The following CAPSL variants were observed in gnomAD, a reference collection of about 807,000 sequenced individuals.
CAPSL encodes the protein calcyphosine like, also known as calcyphosin-like protein.
Under a neutral mutation model 21.3 loss-of-function variants are expected in CAPSL, and 17 were observed. That is an observed-to-expected ratio of 0.80 (90% CI 0.55 to 1.20). CAPSL has a LOEUF of 1.20. Among genes scored for constraint, CAPSL ranks in the 50% most tolerant of loss-of-function variants. CAPSL has a pLI of 0.00. For synonymous variants in CAPSL, 102 were observed against 89.3 expected (o/e 1.14, Z -0.80); for missense variants, 289 against 259.3 (o/e 1.11, Z -0.79).
intron 1 of CAPSL, among the ~76,000 whole-genome samples, chr5:35,932,020 C>G (rs984066487): frequency 7.2e-5 from 11 of 152,150 alleles, no homozygotes; most frequent in African/African-American, 2.7e-4. Flanking sequence ...ATCTTGCAGT[C>G]CCTTAGAATG....
rs564120024 is a variant in CAPSL at position 35,932,035 on chromosome 5, C to T, written c.-1+6506G>A. ...ATCTTGCAGTCCCTTAGAATGAATGCTTCTTTTGGAGTCATTTGTCTATTT... is the reference window on the plus strand; with the variant it reads ...ATCTTGCAGTCCCTTAGAATGAATGTTTCTTTTGGAGTCATTTGTCTATTT... On this transcript the variant is annotated intron_variant, in intron 1 of 4. Transcript: ENST00000651391. 1.7e-4 allele frequency among the ~76,000 whole-genome samples: 26 copies of T among 152,280 alleles called. No homozygotes were observed. The South Asian group carries it at 5.2e-3, about 30-fold the overall frequency.
chr5:35,910,196 G>A (rs754395303), intron 3 of CAPSL, 121 bp from the exon 4 acceptor site: 1 of 1,089,622 alleles, frequency 9.2e-7, no homozygotes, highest in Non-Finnish European at 1.3e-6. Flanking sequence ...GTGCTATTAT[G>A]TAATAGACAC....
intron 4 of CAPSL, 188 bp from the exon 5 acceptor site, chr5:35,904,834 A>C (rs1760641082): frequency 2.2e-6 from 1 of 446,282 alleles, no homozygotes; most frequent in African/African-American, 2.1e-5. Context: ...GCACCTAGGA[A>C]GAGAGAAAGA....
intron 1 of CAPSL, among the ~76,000 whole-genome samples, chr5:35,929,195 AG>A (rs1163365906): frequency 1.3e-5 from 2 of 152,078 alleles, no homozygotes; most frequent in Admixed American, 6.5e-5. Flanking sequence ...TATTACAGGA[AG>A]TCAGCAGAGA....
rs112390181 is a variant in CAPSL, at chr5:35,935,160, C to G, written c.-1+3381G>C. Among the ~76,000 whole-genome samples the G allele has an allele frequency of 2.1e-3, 324 of 152,256 alleles. 4 individuals are homozygous for G. The highest frequency in any genetic ancestry group is 7.6e-3 in the African/African-American group (314 of 41,540). On this transcript the variant is annotated intron_variant, in intron 1 of 4. Coordinates refer to ENST00000651391, the MANE Select transcript of CAPSL (RefSeq NM_001042625.2). The stretch of plus-strand genomic sequence containing the variant: ...GAATGTTGCCTCAGAGATGTACTCT[C>G]CATTTCAAGTGGTGTCATCAATCTG...
chr5:35,926,668 T>G (rs958764767), intron 1 of CAPSL, among the ~76,000 whole-genome samples: 1 of 152,114 alleles, frequency 6.6e-6, no homozygotes, highest in Non-Finnish European at 1.5e-5. Flanking sequence ...CTGAATTACA[T>G]CTCTCTTCCT....
At chr5:35,914,316 C>T (rs1035869761) in intron 2 of CAPSL, among the ~76,000 whole-genome samples, 2 of 152,168 alleles carry the variant, frequency 1.3e-5, no homozygotes, top group African/African-American at 4.8e-5. Context: ...AGAAAGTTAA[C>T]AAAGATATCC....
At chr5:35,911,855 T>G (rs1738231774) in intron 2 of CAPSL, among the ~76,000 whole-genome samples, 1 of 152,082 alleles carries the variant, frequency 6.6e-6, no homozygotes, top group African/African-American at 2.4e-5. Context: ...TTCATCTTAC[T>G]GGGGAGTGTC....
chr5:35,925,680 T>C (rs1295878732), intron 1 of CAPSL, among the ~76,000 whole-genome samples: 1 of 151,928 alleles, frequency 6.6e-6, no homozygotes, highest in Non-Finnish European at 1.5e-5. Context: ...AGGGAAAAAT[T>C]CTTCTTAAAA....
chr5:35,904,594 T>C lies in CAPSL; in HGVS notation c.578A>G (p.Asp193Gly), dbSNP rs771846241. The change falls in exon 5 of 5, where the codon GAC becomes GGC. Residue 193 changes from aspartate to glycine, a missense_variant. Asp to Gly is a moderately conservative substitution (Grantham distance 94). Transcript: ENST00000651391. ...NYYAGVSASI[D>G]TDVYFIIMMR... ...CATGATGATGAAGTACACATCAGTG[T>C]CAATGGATGCGCTCACACCTGCATA... 5.0e-6 allele frequency: 8 copies of C among 1,613,888 alleles called. No individual in the cohort carries two copies. Among genetic ancestry groups the C allele is most frequent in the Non-Finnish European group, 5.9e-6 (7 of 1,179,956 alleles).
intron 1 of CAPSL, among the ~76,000 whole-genome samples, chr5:35,934,077 C>T (rs1738884851): frequency 6.6e-6 from 1 of 152,212 alleles, no homozygotes; most frequent in African/African-American, 2.4e-5. Context: ...ATATAGAAAA[C>T]TGCTCTTGTG....
chr5:35,929,733 T>C (rs1209653920), intron 1 of CAPSL, among the ~76,000 whole-genome samples: 1 of 152,058 alleles, frequency 6.6e-6, no homozygotes, highest in Non-Finnish European at 1.5e-5. Context: ...TGCTTTGGAG[T>C]GCTGCTAGAT....
chr5:35,919,477 G>A (rs1350250106), intron 2 of CAPSL, among the ~76,000 whole-genome samples: 1 of 152,106 alleles, frequency 6.6e-6, no homozygotes, highest in African/African-American at 2.4e-5. Context: ...TCTTGGTCAG[G>A]ATAAAGACTC....
rs1554069748 is a variant in CAPSL, at chr5:35,919,170, A to ATTATATATATATATATATATAT, written c.137+1813_137+1814insATATATATATATATATATATAA. On this transcript the variant is annotated intron_variant, in intron 2 of 4. Transcript: ENST00000651391. ...AGTATCTTTCCTGATTAAAAAAAAA[A>ATTATATATATATATATATATAT]ATATATATATATATATATATAAAAA... Among the ~76,000 whole-genome samples, 74 of 121,248 alleles carry ATTATATATATATATATATATAT rather than the reference A, an allele frequency of 6.1e-4. 1 individual carries two copies. Among genetic ancestry groups the ATTATATATATATATATATATAT allele is most frequent in the African/African-American group, 2.0e-3 (66 of 33,828 alleles). 79.5% of individuals were successfully genotyped at this position (121,248 alleles called of 152,430 possible).
chr5:35,913,833 G>A (rs1034049716), intron 2 of CAPSL, among the ~76,000 whole-genome samples: 1 of 152,130 alleles, frequency 6.6e-6, no homozygotes, highest in African/African-American at 2.4e-5. Flanking sequence ...ACATCATAAT[G>A]ACAGGATCAA....
At chr5:35,905,006 G>A (rs1034703572) in intron 4 of CAPSL, among the ~76,000 whole-genome samples, 8 of 152,174 alleles carry the variant, frequency 5.3e-5, no homozygotes, top group African/African-American at 1.4e-4. Flanking sequence ...TCTGTGACAC[G>A]TCAGAAACAA....
chr5:35,925,784 C>A (rs559155908), intron 1 of CAPSL, among the ~76,000 whole-genome samples: 61 of 152,272 alleles, frequency 4.0e-4, no homozygotes, highest in African/African-American at 1.3e-3. Context: ...CAGGAGACCA[C>A]AAAGTCTTCT....
chr5:35,917,064 C>G (rs1166612212), intron 2 of CAPSL, among the ~76,000 whole-genome samples: 1 of 152,172 alleles, frequency 6.6e-6, no homozygotes, highest in South Asian at 2.1e-4. Context: ...AGGATATGAA[C>G]AGGCACTTCT....
At chr5:35,931,414 C>T (rs368894270) in intron 1 of CAPSL, among the ~76,000 whole-genome samples, 5 of 148,532 alleles carry the variant, frequency 3.4e-5, no homozygotes. Flanking sequence ...ATTCAAGAAC[C>T]CATGTAACTG....
Sources: gnomAD v4.1 joint callset for allele counts (sites outside exome capture counted in the v4.1 genomes callset) on GRCh38, gnomAD v4.1.1 for gene constraint, MANE v1.5 for transcripts, NCBI Gene and HGNC (gene_info 2026-07-23, HGNC 2026-07-21) for gene names.